RPS3A: variants seen among roughly 807,000 people sequenced by gnomAD.
The protein encoded by RPS3A is small ribosomal subunit protein eS1.
Under a neutral mutation model 26.4 loss-of-function variants are expected in RPS3A, and 1 was observed. That is an observed-to-expected ratio of 0.04 (90% confidence interval 0.01 to 0.18). The LOEUF (loss-of-function observed/expected upper bound fraction) is 0.18. Ranked by LOEUF, RPS3A falls within the 10% of genes least tolerant of loss-of-function variation. The pLI is 1.00. For synonymous variants in RPS3A, 97 were observed against 106.1 expected, an observed-to-expected ratio of 0.91 and a Z score of 0.53; for missense variants, 139 against 326.8, an observed-to-expected ratio of 0.43 and a Z score of 4.43.
In RPS3A at chr4:151,099,730, C is replaced by T. The variant is rs376762433; in HGVS notation, c.62+16C>T. 14 of 1,608,512 alleles carry T rather than the reference C, an allele frequency of 8.7e-6. No homozygotes were observed. Among genetic ancestry groups the T allele is most frequent in the Non-Finnish European group, 1.2e-5 (14 of 1,177,298 alleles). On this transcript the variant is annotated intron_variant, in intron 1 of 5. Coordinates refer to ENST00000274065, the MANE Select transcript of RPS3A (RefSeq NM_001006.5). ...AGAAGAAAGTGTAAGTCGCGACTGT[C>T]GTGGCGTCTTGCTTTTTGGGGGTCT...
At position 151,100,955 on chromosome 4, in the gene RPS3A, CTTG is replaced by C. The variant is rs1456528141; in HGVS notation, c.167-17_167-15del. The C allele has an allele frequency of 6.5e-7, 1 of 1,549,328 alleles. No homozygotes were observed. The highest frequency in any genetic ancestry group is 2.3e-5 in the East Asian group (1 of 44,200). Reference sequence around the variant, plus strand: ...TATATGGTTCCTAAATGTTAAGATACTTGTTTTTTTCTTTTGTAGAAATTGCAT... The same window carrying C: ...TATATGGTTCCTAAATGTTAAGATACTTTTTTTCTTTTGTAGAAATTGCAT... On this transcript the variant is annotated splice_polypyrimidine_tract_variant and intron_variant, in intron 2 of 5. Transcript: ENST00000274065.
intron 4 of RPS3A, chr4:151,103,563 T>A: frequency 9.6e-7 from 1 of 1,042,530 alleles, no homozygotes; most frequent in Non-Finnish European, 1.2e-6. Context: ...TGTCTCACAG[T>A]AGATGGAGTT....
intron 1 of RPS3A, chr4:151,099,915 T>G: frequency 4.8e-6 from 3 of 627,188 alleles, no homozygotes; most frequent in Non-Finnish European, 2.9e-6. Flanking sequence ...GGCCTTCTGG[T>G]CCTTGCGCGC....
At chr4:151,104,317 G>A (rs761516686) in intron 5 of RPS3A, 31 bp downstream of exon 5, 2 of 1,603,924 alleles carry the variant, frequency 1.2e-6, no homozygotes, top group South Asian at 2.2e-5. Flanking sequence ...TTCCTGTAGG[G>A]CCAAATACAT....
intron 5 of RPS3A, 39 bp from the exon 6 acceptor site, chr4:151,104,433 T>A (rs1375084814): frequency 1.4e-6 from 2 of 1,429,122 alleles, no homozygotes; most frequent in Non-Finnish European, 9.2e-7. Flanking sequence ...TACTAACAGT[T>A]TTTTGGTTTT....
At chr4:151,103,690 C>T in intron 4 of RPS3A, 1 of 1,095,490 alleles carries the variant, frequency 9.1e-7, no homozygotes, top group Non-Finnish European at 1.1e-6. Flanking sequence ...TTGTTTGAGC[C>T]CAGGAGTTTG....
At chr4:151,100,806 G>A (rs1747085008) in intron 2 of RPS3A, among the ~76,000 whole-genome samples, 169 bp from the exon 3 acceptor site, 1 of 152,202 alleles carries the variant, frequency 6.6e-6, no homozygotes, top group Non-Finnish European at 1.5e-5. Flanking sequence ...GGGTAGTTCT[G>A]AGCTTCAAAT....
chr4:151,103,849 G>T, intron 4 of RPS3A: 1 of 1,389,308 alleles, frequency 7.2e-7, no homozygotes, highest in South Asian at 1.1e-5. Flanking sequence ...AAAAAGTTTC[G>T]GTCCCAGATG....
chr4:151,100,966 C>A lies in RPS3A; in HGVS notation c.167-9C>A. The A allele has an allele frequency of 6.4e-7, 1 of 1,553,068 alleles. No individual in the cohort carries two copies. Among genetic ancestry groups the A allele is most frequent in the Non-Finnish European group, 8.7e-7 (1 of 1,150,602 alleles). ...TAAATGTTAAGATACTTGTTTTTTT[C>A]TTTTGTAGAAATTGCATCTGATGGT... is the stretch of plus-strand genomic sequence containing the variant. On this transcript the variant is annotated splice_polypyrimidine_tract_variant and intron_variant, in intron 2 of 5. Transcript: ENST00000274065.
chr4:151,101,301 T>G, intron 3 of RPS3A, 139 bp downstream of exon 3: 1 of 536,812 alleles, frequency 1.9e-6, no homozygotes, highest in Non-Finnish European at 3.1e-6. Context: ...ATTTTAAATT[T>G]TTGTTTTCTT....
chr4:151,100,062 G>C (rs1747050689), intron 1 of RPS3A: 1 of 556,856 alleles, frequency 1.8e-6, no homozygotes, highest in African/African-American at 1.9e-5. Flanking sequence ...TATCCATTCA[G>C]GACCCGTCAA....
At chr4:151,104,154 A>T (rs1288382635) in intron 4 of RPS3A, 23 bp from the exon 5 acceptor site, 2 of 1,588,416 alleles carry the variant, frequency 1.3e-6, no homozygotes, top group Non-Finnish European at 8.5e-7. Flanking sequence ...TTTAGAAAAA[A>T]ATTTACTGTT....
chr4:151,099,646 C>T lies in RPS3A; in HGVS notation c.-7C>T, dbSNP rs774003608. 4.3e-6 allele frequency: 7 copies of T among 1,613,658 alleles called. No homozygotes were observed. In the East Asian group the frequency reaches 1.1e-4, roughly 26 times the overall value. The stretch of plus-strand genomic sequence containing the variant: ...ACTTCCGCCCTTTTGGCTCTCTGAC[C>T]AGCACCATGGCGGTTGGCAAGAACA... On this transcript the variant is annotated 5_prime_UTR_variant, in exon 1 of 6. Coordinates refer to ENST00000274065, the MANE Select transcript of RPS3A (RefSeq NM_001006.5).
In RPS3A at chr4:151,102,878, T is replaced by C. The variant is rs188256601; in HGVS notation, c.362T>C (p.Ile121Thr). ...CSMVKKWQTM[I>T]EAHVDVKTTD... ...GGTATCTTTTTTCTCCAGACAATGA[T>C]TGAAGCTCACGTTGATGTCAAGACT... Residue 121 changes from isoleucine to threonine, a missense_variant, in exon 4 of 6, where the codon ATT becomes ACT. Coordinates refer to ENST00000274065, the MANE Select transcript of RPS3A (RefSeq NM_001006.5). 1.9e-6 allele frequency: 3 copies of C among 1,610,666 alleles called. No homozygotes were observed. Among genetic ancestry groups the C allele is most frequent in the East Asian group, 4.5e-5 (2 of 44,850 alleles).
chr4:151,101,625 G>A (rs746342454), intron 3 of RPS3A, among the ~76,000 whole-genome samples: 5 of 152,042 alleles, frequency 3.3e-5, no homozygotes, highest in Non-Finnish European at 5.9e-5. Flanking sequence ...TCTAAGCCTC[G>A]GTTTCTTTAT....
intron 3 of RPS3A, among the ~76,000 whole-genome samples, chr4:151,101,380 A>G (rs1561164362): frequency 1.3e-5 from 2 of 152,224 alleles, no homozygotes; most frequent in South Asian, 2.1e-4. Flanking sequence ...CTAAGATTTA[A>G]TAGTGGTGTA....
chr4:151,103,945 GGACTC>G (rs1747249500), intron 4 of RPS3A: 23 of 1,520,500 alleles, frequency 1.5e-5, no homozygotes, highest in Non-Finnish European at 2.0e-5. Flanking sequence ...CATAAGGCTT[GGACTC>G]AGAAGACTCT....
chr4:151,102,215 A>G, intron 3 of RPS3A: 2 of 318,486 alleles, frequency 6.3e-6, no homozygotes, highest in Non-Finnish European at 1.3e-5. Flanking sequence ...TTTTTATACT[A>G]AGGTATAAAA....
chr4:151,100,764 AT>A (rs1747083344), intron 2 of RPS3A, among the ~76,000 whole-genome samples, 176 bp downstream of exon 2: 2 of 152,234 alleles, frequency 1.3e-5, no homozygotes, highest in African/African-American at 4.8e-5. Flanking sequence ...GAGAAGCAAG[AT>A]GGTGCTTTTT....
Sources: allele counts gnomAD v4.1 joint callset (sites outside exome capture counted in the v4.1 genomes callset), GRCh38; gene constraint gnomAD v4.1.1; transcripts MANE v1.5; gene names NCBI Gene and HGNC (gene_info 2026-07-23, HGNC 2026-07-21).